PIEZO2: variants seen among roughly 807,000 people sequenced by gnomAD.
PIEZO2 encodes piezo-type mechanosensitive ion channel component 2.
A neutral mutation model predicts 337.3 loss-of-function variants in PIEZO2; 172 were observed. That is an observed-to-expected ratio of 0.51 (90% CI 0.45 to 0.58). The LOEUF is 0.58. Ranked by LOEUF, PIEZO2 falls within the 20% of genes least tolerant of loss-of-function variation. The pLI is 0.00. For synonymous variants in PIEZO2, 1,251 were observed against 1,228.5 expected, an observed-to-expected ratio of 1.02 and a Z score of -0.38; for missense variants, 3,028 against 3,391.3, an observed-to-expected ratio of 0.89 and a Z score of 2.66.
At chr18:10,732,510 C>T (rs1030709094) in intron 35 of PIEZO2, among the ~76,000 whole-genome samples, 2 of 152,186 alleles carry the variant, frequency 1.3e-5, no homozygotes, top group Non-Finnish European at 2.9e-5. Flanking sequence ...AGAGACTCAA[C>T]TTTTCCATAT....
In PIEZO2 at chr18:10,854,267, C is replaced by T. The variant is rs1013738921; in HGVS notation, c.917+1086G>A. ...ACACTGAGAGGTGTGAAATGTTAAG[C>T]TATCTCAGTTTTGATCATGTTGACT... On this transcript the variant is annotated intron_variant, in intron 7 of 55. Coordinates refer to ENST00000674853, the MANE Select transcript of PIEZO2 (RefSeq NM_001378183.1). The surrounding 1 kb of genome is among the most constrained non-coding windows in gnomAD (Gnocchi z 4.6). Among the ~76,000 whole-genome samples, 1 of 152,178 alleles carries T rather than the reference C, an allele frequency of 6.6e-6. No individual in the cohort carries two copies. The highest frequency in any genetic ancestry group is 2.4e-5 in the African/African-American group (1 of 41,438).
At chr18:10,965,525 T>C (rs2033962734) in intron 3 of PIEZO2, among the ~76,000 whole-genome samples, 1 of 152,218 alleles carries the variant, frequency 6.6e-6, no homozygotes, top group African/African-American at 2.4e-5. Flanking sequence ...AAAAAACATC[T>C]GTCTATCTAT....
At chr18:10,889,992 T>C (rs747506255) in intron 4 of PIEZO2, among the ~76,000 whole-genome samples, 4 of 152,350 alleles carry the variant, frequency 2.6e-5, no homozygotes, top group East Asian at 1.9e-4. Flanking sequence ...CCCAGCACTG[T>C]CCATAATTAT....
chr18:11,018,882 T>A (rs2036216525), intron 2 of PIEZO2, among the ~76,000 whole-genome samples: 3 of 152,158 alleles, frequency 2.0e-5, no homozygotes, highest in Admixed American at 2.0e-4. Context: ...AAAATGAATC[T>A]CTTAATTCTA....
At chr18:10,711,871 A>G (rs1227789924) in intron 39 of PIEZO2, among the ~76,000 whole-genome samples, 1 of 152,212 alleles carries the variant, frequency 6.6e-6, no homozygotes, top group African/African-American at 2.4e-5. Flanking sequence ...TTAGAATTTA[A>G]AAGTAATAAA....
intron 2 of PIEZO2, among the ~76,000 whole-genome samples, chr18:11,011,114 T>G (rs1268869323): frequency 6.6e-6 from 1 of 152,234 alleles, no homozygotes; most frequent in African/African-American, 2.4e-5. Flanking sequence ...AACACACAAA[T>G]AGCCTCCTAA....
Position 10,918,257 on chromosome 18 carries a change from A to G in PIEZO2, c.287-7029T>C, listed in dbSNP as rs74571460. On this transcript the variant is annotated intron_variant, in intron 3 of 55. Coordinates refer to ENST00000674853, the MANE Select transcript of PIEZO2 (RefSeq NM_001378183.1). ...TAGATTAAAAGTAATTGTAAAAGAG[A>G]TAAGACAAAACATTATTTATCATCC... 8.9e-3 allele frequency among the ~76,000 whole-genome samples: 1,358 copies of G among 152,258 alleles called. 22 individuals are homozygous for G. The highest frequency in any genetic ancestry group is 0.031 in the African/African-American group (1,268 of 41,562).
intron 2 of PIEZO2, among the ~76,000 whole-genome samples, chr18:10,983,651 C>T (rs1215335102): frequency 1.3e-5 from 2 of 152,068 alleles, no homozygotes; most frequent in African/African-American, 2.4e-5. Flanking sequence ...AAGAGACCCA[C>T]CACTGAACCC....
Position 10,770,221 on chromosome 18 carries a change from A to G in PIEZO2, c.2873T>C (p.Phe958Ser), listed in dbSNP as rs1305763813. The change falls in exon 21 of 56, where the codon TTC becomes TCC. Residue 958 changes from phenylalanine (F) to serine (S), a missense_variant. By Grantham distance (155) the Phe-to-Ser change is radical (BLOSUM62 -2). Around this residue, in one of 5 missense-constraint regions of PIEZO2, gnomAD observed 1,925 missense variants for 2,051.9 expected, o/e 0.94. Coordinates refer to ENST00000674853, the MANE Select transcript of PIEZO2 (RefSeq NM_001378183.1). Reference sequence around the variant, plus strand: ...GTGCAACTCCAAAATCCACCACATGAACACCTGCAGCTTGTGAAAATACTC... The same window carrying G: ...GTGCAACTCCAAAATCCACCACATGGACACCTGCAGCTTGTGAAAATACTC... ...FLEYFHKLQV[F>S]MWWILELHII... is the part of the protein sequence containing the mutation. The G allele has an allele frequency of 6.5e-7, 1 of 1,537,524 alleles. No homozygotes were observed. Among genetic ancestry groups the G allele is most frequent in the Non-Finnish European group, 8.7e-7 (1 of 1,146,956 alleles).
intron 30 of PIEZO2, among the ~76,000 whole-genome samples, chr18:10,744,581 T>C (rs142663821): frequency 1.6e-3 from 243 of 152,320 alleles, no homozygotes; most frequent in African/African-American, 5.2e-3. Context: ...CCTGACCTTA[T>C]TGTAATTATA....
At chr18:10,905,648 C>T (rs1168591788) in intron 4 of PIEZO2, among the ~76,000 whole-genome samples, 4 of 151,288 alleles carry the variant, frequency 2.6e-5, no homozygotes, top group Admixed American at 6.6e-5. Flanking sequence ...AGGAGTGAGC[C>T]GCCTCCTGAG....
At chr18:10,808,106 T>A (rs905436221) in intron 7 of PIEZO2, among the ~76,000 whole-genome samples, 1 of 152,172 alleles carries the variant, frequency 6.6e-6, no homozygotes, top group African/African-American at 2.4e-5. Context: ...TTTTTGTTTT[T>A]GAAATGGGGT....
At chr18:10,780,268 A>G (rs2038932378) in intron 18 of PIEZO2, 57 bp downstream of exon 18, 1 of 702,368 alleles carries the variant, frequency 1.4e-6, no homozygotes, top group African/African-American at 1.7e-5. Flanking sequence ...TTAAGAGTTT[A>G]ACACAGCAAG....
In PIEZO2 at chr18:10,726,634, T is replaced by C. The variant is rs985611047; in HGVS notation, c.5029+4773A>G. 20 of 1,392,560 alleles carry C rather than the reference T, an allele frequency of 1.4e-5. No individual in the cohort carries two copies. Among genetic ancestry groups the C allele is most frequent in the Non-Finnish European group, 1.8e-5 (19 of 1,034,336 alleles). The allele number at this position is 1,392,560 out of a possible 1,614,324, so 86.3% of individuals were successfully genotyped here. ...GGACGCCGACGTGCGCTGGGAGTAC[T>C]GCGCGCGCGCCAAGCGCGGCCAGAC... is the stretch of plus-strand genomic sequence containing the variant. On this transcript the variant is annotated intron_variant, in intron 36 of 55. Transcript: ENST00000674853. This position sits in a 1 kb window ranked among gnomAD's most constrained non-coding sequence, Gnocchi z 5.9.
intron 3 of PIEZO2, among the ~76,000 whole-genome samples, chr18:10,921,849 C>G (rs900306061): frequency 3.3e-5 from 5 of 152,048 alleles, no homozygotes; most frequent in African/African-American, 1.2e-4. Flanking sequence ...TGAGTGTGGC[C>G]GTCTTCTATG....
chr18:10,773,502 CT>C lies in PIEZO2; in HGVS notation c.2694del (p.Ala899ProfsTer32). 6.5e-7 allele frequency: 1 copy of C among 1,537,452 alleles called. No individual in the cohort carries two copies. Among genetic ancestry groups the C allele is most frequent in the Non-Finnish European group, 8.7e-7 (1 of 1,146,964 alleles). ...TCTTTCCCAAGATCACCCTTCTGGG[CT>C]TTTTCAGAGTAGCCCTCAAGCTTCT... is the stretch of plus-strand genomic sequence containing the variant. ...GEEKLEGYSE[K>X]AQKGDLGKDS... On this transcript the variant is annotated frameshift_variant, in exon 20 of 56. Transcript: ENST00000674853. LOFTEE classifies it high-confidence loss of function. This position sits in a 1 kb window ranked among gnomAD's most constrained non-coding sequence, Gnocchi z 5.3.
chr18:10,705,780 T>C, intron 40 of PIEZO2, 34 bp from the exon 41 acceptor site: 2 of 1,481,156 alleles, frequency 1.4e-6, no homozygotes, highest in Non-Finnish European at 1.8e-6. Context: ...AGAGCCCATG[T>C]CTTAGCATCC....
At chr18:11,144,157 C>T (rs942262349) in intron 1 of PIEZO2, among the ~76,000 whole-genome samples, 17 of 152,208 alleles carry the variant, frequency 1.1e-4, no homozygotes, top group African/African-American at 3.9e-4. Flanking sequence ...AAGAAACACA[C>T]ACACTTACAA....
intron 4 of PIEZO2, among the ~76,000 whole-genome samples, chr18:10,907,434 ACT>A (rs1296333334): frequency 2.1e-5 from 3 of 142,306 alleles, no homozygotes; most frequent in Non-Finnish European, 4.7e-5. Flanking sequence ...CAAGAGCAAG[ACT>A]CTGTCTCAAA....
Sources: allele counts gnomAD v4.1 joint callset (sites outside exome capture counted in the v4.1 genomes callset), GRCh38; gene constraint gnomAD v4.1.1; regional missense constraint gnomAD v4.1.1; non-coding constraint Gnocchi (gnomAD v3.1); transcripts MANE v1.5; gene names NCBI Gene and HGNC (gene_info 2026-07-23, HGNC 2026-07-21).